The following CSNK1D variants were observed in gnomAD, a reference collection of about 807,000 sequenced individuals.
CSNK1D encodes casein kinase I isoform delta.
In CSNK1D, 16 loss-of-function variants were observed where a neutral mutation model predicts 46.6. The observed-to-expected ratio is 0.34, with a 90% CI of 0.23 to 0.52. CSNK1D has a LOEUF of 0.52. Among genes scored for constraint, CSNK1D ranks in the 20% least tolerant of loss-of-function variants. CSNK1D has a pLI of 0.95. For synonymous variants in CSNK1D, 276 were observed against 228.2 expected (o/e 1.21, Z -1.89); for missense variants, 398 against 578.4 (o/e 0.69, Z 3.20).
intron 2 of CSNK1D, among the ~76,000 whole-genome samples, chr17:82,264,464 C>T (rs944561727): frequency 5.9e-5 from 9 of 152,208 alleles, no homozygotes; most frequent in African/African-American, 1.7e-4. Flanking sequence ...AGGACAGGAG[C>T]GCTCTGCTCC....
intron 8 of CSNK1D, 80 bp from the exon 9 acceptor site, chr17:82,244,911 G>A: frequency 6.3e-7 from 1 of 1,586,182 alleles, no homozygotes; most frequent in Non-Finnish European, 8.6e-7. Context: ...GACGGTGCTG[G>A]GCAGGGAGGG....
rs1465817665 is a variant in CSNK1D at position 82,253,629 on chromosome 17, G to A, written c.337-385C>T. On this transcript the variant is annotated intron_variant, in intron 3 of 8. Coordinates refer to ENST00000314028, the MANE Select transcript of CSNK1D (RefSeq NM_001893.6). ...ATCACGTGTGTTCCTGAGAGACTGA[G>A]GAACCCACTGAATGGAAACGTGCTA... 1.1e-5 allele frequency: 4 copies of A among 357,176 alleles called. No individual in the cohort carries two copies. In the Admixed American group the frequency reaches 1.2e-4, roughly 10 times the overall value. The allele number at this position is 357,176 out of a possible 1,614,324, so 22.1% of individuals were successfully genotyped here.
In CSNK1D at chr17:82,255,709, C is replaced by A; in HGVS notation, c.188-132G>T. 1 of 1,098,270 alleles carries A rather than the reference C, an allele frequency of 9.1e-7. No individual in the cohort carries two copies. The highest frequency in any genetic ancestry group is 1.4e-6 in the Non-Finnish European group (1 of 728,122). 68.0% of individuals were successfully genotyped at this position (1,098,270 alleles called of 1,614,324 possible). A position where few individuals can be genotyped will look rare whatever the true frequency, so the allele number is the denominator to read the frequency against. ...GGAGGGGTGGTGGAGGTAGAAGACC[C>A]CGGCAACGCCGCTCCTCAGGGACCC... is the stretch of plus-strand genomic sequence containing the variant. On this transcript the variant is annotated intron_variant, in intron 2 of 8. Coordinates refer to ENST00000314028, the MANE Select transcript of CSNK1D (RefSeq NM_001893.6). The surrounding 1 kb of genome is among the most constrained non-coding windows in gnomAD (Gnocchi z 5.9).
chr17:82,254,124 G>A (rs1342121751), intron 3 of CSNK1D: 11 of 213,396 alleles, frequency 5.2e-5, no homozygotes, highest in South Asian at 2.9e-4. Context: ...GAGCTGAGCC[G>A]TCGGAGCCTC....
At chr17:82,244,870 C>T in intron 8 of CSNK1D, 39 bp from the exon 9 acceptor site, 1 of 1,612,928 alleles carries the variant, frequency 6.2e-7, no homozygotes, top group Non-Finnish European at 8.5e-7. Flanking sequence ...CAGCATGGGG[C>T]TGGGGGAGCC....
chr17:82,250,922 C>A lies in CSNK1D; in HGVS notation c.885+457G>T. On this transcript the variant is annotated intron_variant, in intron 6 of 8. Coordinates refer to ENST00000314028, the MANE Select transcript of CSNK1D (RefSeq NM_001893.6). This position sits in a 1 kb window ranked among gnomAD's most constrained non-coding sequence, Gnocchi z 4.6. ...GAGGCTCCACTGCATACTCACACCG[C>A]ATCAAGAAAGCCACAGGGAAAATCA... is the stretch of plus-strand genomic sequence containing the variant. 3.9e-6 allele frequency: 1 copy of A among 255,310 alleles called. No individual in the cohort carries two copies. 15.8% of individuals were successfully genotyped at this position (255,310 alleles called of 1,614,324 possible).
At chr17:82,259,082 T>C (rs1338396573) in intron 2 of CSNK1D, among the ~76,000 whole-genome samples, 1 of 152,246 alleles carries the variant, frequency 6.6e-6, no homozygotes, top group Non-Finnish European at 1.5e-5. Flanking sequence ...ACCTGACACC[T>C]GGCATCTTCC....
chr17:82,246,248 T>G, intron 8 of CSNK1D: 1 of 1,471,372 alleles, frequency 6.8e-7, no homozygotes, highest in Non-Finnish European at 9.0e-7. Context: ...TCTTCTGGAA[T>G]CACTTGCTCT....
At chr17:82,265,641 G>T in intron 2 of CSNK1D, 45 bp downstream of exon 2, 1 of 1,470,340 alleles carries the variant, frequency 6.8e-7, no homozygotes, top group Non-Finnish European at 9.5e-7. Context: ...GTTCTCCCTT[G>T]TCAAACAGAA....
intron 2 of CSNK1D, among the ~76,000 whole-genome samples, chr17:82,259,864 CTA>C (rs1426827253): frequency 5.9e-5 from 9 of 152,262 alleles, no homozygotes; most frequent in East Asian, 3.8e-4. Flanking sequence ...ATTCAAAAGA[CTA>C]TGTGGCATGG....
intron 3 of CSNK1D, chr17:82,254,007 G>C (rs79294996): frequency 2.9e-5 from 6 of 206,920 alleles, no homozygotes; most frequent in Admixed American, 7.2e-5. Context: ...CCGGAGCCTC[G>C]AGAAGCCAGT....
rs115234770 is a variant in CSNK1D, at chr17:82,243,192, G to A, written c.*1589C>T. 2.0e-6 allele frequency: 2 copies of A among 985,526 alleles called. No homozygotes were observed. The highest frequency in any genetic ancestry group is 3.5e-5 in the African/African-American group (2 of 57,312). 61.0% of individuals were successfully genotyped at this position (985,526 alleles called of 1,614,324 possible). On this transcript the variant is annotated 3_prime_UTR_variant, in exon 9 of 9. Coordinates refer to ENST00000314028, the MANE Select transcript of CSNK1D (RefSeq NM_001893.6). ...TCAGGCAGACGGCCAGCCAGCTGGT[G>A]GGGGGGTGAACAACTGTGTTCTGGG...
At chr17:82,263,219 A>G (rs1037633604) in intron 2 of CSNK1D, among the ~76,000 whole-genome samples, 2 of 152,090 alleles carry the variant, frequency 1.3e-5, no homozygotes, top group African/African-American at 4.8e-5. Flanking sequence ...ACAAAAACCA[A>G]AACCTTGACA....
At chr17:82,256,338 C>T (rs1344222841) in intron 2 of CSNK1D, among the ~76,000 whole-genome samples, 2 of 152,030 alleles carry the variant, frequency 1.3e-5, no homozygotes, top group Non-Finnish European at 2.9e-5. Context: ...AAGGGAGACC[C>T]TTGTCTCTAC....
At chr17:82,269,061 C>T (rs1249419429) in intron 1 of CSNK1D, among the ~76,000 whole-genome samples, 1 of 147,766 alleles carries the variant, frequency 6.8e-6, no homozygotes, top group Non-Finnish European at 1.5e-5. Context: ...CGCGCCACTG[C>T]ACCCCAGCCT....
chr17:82,243,554 C>T lies in CSNK1D; in HGVS notation c.*1227G>A, dbSNP rs1361126121. ...GCTTCACTTCTGACCAACAGACACG[C>T]GCCCAACAGAAGGTCACAGCGCAGA... On this transcript the variant is annotated 3_prime_UTR_variant, in exon 9 of 9. Transcript: ENST00000314028. The T allele has an allele frequency of 6.1e-6, 6 of 985,478 alleles. No homozygotes were observed. Among genetic ancestry groups the T allele is most frequent in the African/African-American group, 5.2e-5 (3 of 57,356 alleles). The allele number at this position is 985,478 out of a possible 1,614,324, so 61.0% of individuals were successfully genotyped here.
rs2147156634 is a variant in CSNK1D at position 82,247,508 on chromosome 17, T to G, written c.1197+1367A>C. On this transcript the variant is annotated intron_variant, in intron 8 of 8. Transcript: ENST00000314028. ...TCAGCCAAGCGCTGGGGCGAGGCTG[T>G]CCAAGTCCGGTCAGCACCCAGCATG... The G allele has an allele frequency of 3.0e-6, 3 of 985,456 alleles. No individual in the cohort carries two copies. In the South Asian group the frequency reaches 1.4e-4, roughly 46 times the overall value. The allele number at this position is 985,456 out of a possible 1,614,324, so 61.0% of individuals were successfully genotyped here.
downstream of CSNK1D, among the ~76,000 whole-genome samples, chr17:82,241,372 C>T (rs897727848): frequency 6.6e-6 from 1 of 152,240 alleles, no homozygotes; most frequent in African/African-American, 2.4e-5. Flanking sequence ...TGCCCAGTAC[C>T]TGGAGGGCCT....
At position 82,248,771 on chromosome 17, in the gene CSNK1D, G is replaced by T. The variant is rs531411802; in HGVS notation, c.1197+104C>A. The T allele has an allele frequency of 2.0e-5, 31 of 1,530,074 alleles. No homozygotes were observed. The East Asian group carries it at 5.4e-4, about 27-fold the overall frequency. The allele number at this position is 1,530,074 out of a possible 1,614,324, so 94.8% of individuals were successfully genotyped here. ...GGCGAGATTAAAAACTCTCAAAAAT[G>T]GGGGGAAGAAAGGAAAGAAGAAGCC... On this transcript the variant is annotated intron_variant, in intron 8 of 8. Transcript: ENST00000314028. This position sits in a 1 kb window ranked among gnomAD's most constrained non-coding sequence, Gnocchi z 4.1.
Sources: gnomAD v4.1 joint callset for allele counts (sites outside exome capture counted in the v4.1 genomes callset) on GRCh38, gnomAD v4.1.1 for gene constraint, Gnocchi (gnomAD v3.1) non-coding constraint, MANE v1.5 for transcripts, NCBI Gene and HGNC (gene_info 2026-07-23, HGNC 2026-07-21) for gene names.